GPC5: variants seen among roughly 807,000 people sequenced by gnomAD.
GPC5 encodes glypican 5.
Under a neutral mutation model 53.9 loss-of-function variants are expected in GPC5, and 47 were observed. The ratio of observed to expected loss-of-function variants is 0.87; its 90% CI spans 0.69 to 1.11. GPC5 has a LOEUF of 1.11. GPC5 is among the 50% of genes most tolerant of loss of function. The probability of loss-of-function intolerance (pLI) is 0.00; values close to 1 mark genes in which losing one functional copy is unlikely to be tolerated. For synonymous variants in GPC5, 286 were observed against 263.3 expected (o/e 1.09, Z -0.84); for missense variants, 748 against 713.1 (o/e 1.05, Z -0.56).
At chr13:91,553,093 T>A (rs2030742159) in intron 2 of GPC5, among the ~76,000 whole-genome samples, 1 of 152,106 alleles carries the variant, frequency 6.6e-6, no homozygotes, top group African/African-American at 2.4e-5. Context: ...ACCTGCTGTG[T>A]GTGTCTTGAA....
chr13:91,485,268 A>G (rs930231150), intron 2 of GPC5, among the ~76,000 whole-genome samples: 10 of 148,942 alleles, frequency 6.7e-5, no homozygotes, highest in African/African-American at 2.5e-4. Context: ...TCTGGAGTGC[A>G]ATGGTGCGAT....
chr13:92,768,959 C>T (rs202174620), intron 7 of GPC5, among the ~76,000 whole-genome samples: 4 of 152,066 alleles, frequency 2.6e-5, no homozygotes, highest in East Asian at 1.9e-4. Flanking sequence ...ATAGATCACC[C>T]GTGCTGACTT....
At chr13:91,953,872 A>C (rs2040049302) in intron 6 of GPC5, among the ~76,000 whole-genome samples, 1 of 152,152 alleles carries the variant, frequency 6.6e-6, no homozygotes, top group Admixed American at 6.5e-5. Flanking sequence ...CCCAAATACC[A>C]CACCTCTTAA....
At chr13:92,677,105 A>T (rs1886967750) in intron 7 of GPC5, among the ~76,000 whole-genome samples, 1 of 152,184 alleles carries the variant, frequency 6.6e-6, no homozygotes, top group African/African-American at 2.4e-5. Context: ...AAGTAATTGA[A>T]GTACGAAAAC....
chr13:92,080,764 G>A (rs766503864), intron 6 of GPC5, among the ~76,000 whole-genome samples: 5 of 152,034 alleles, frequency 3.3e-5, no homozygotes, highest in Admixed American at 6.5e-5. Context: ...TTTTAATATG[G>A]CCTGTGATAT....
chr13:91,901,616 T>C lies in GPC5; in HGVS notation c.1281-6321T>C, dbSNP rs142443557. The stretch of plus-strand genomic sequence containing the variant: ...TTACAAAAACCAAATCTCTAGTCCT[T>C]GCTTTCACATTTGCTGTCAGAACCA... On this transcript the variant is annotated intron_variant, in intron 5 of 7. Coordinates refer to ENST00000377067, the MANE Select transcript of GPC5 (RefSeq NM_004466.6). 2.5e-4 allele frequency among the ~76,000 whole-genome samples: 38 copies of C among 152,196 alleles called. No homozygotes were observed. In the East Asian group the frequency reaches 7.3e-3, roughly 29 times the overall value.
At chr13:92,008,444 AT>A (rs780418353) in intron 6 of GPC5, among the ~76,000 whole-genome samples, 65 of 148,760 alleles carry the variant, frequency 4.4e-4, no homozygotes, top group Non-Finnish European at 7.9e-4. Flanking sequence ...ATCTGGTGTC[AT>A]TTTTCTTCCC....
intron 7 of GPC5, among the ~76,000 whole-genome samples, chr13:92,415,703 G>C (rs776724583): frequency 2.0e-5 from 3 of 151,688 alleles, no homozygotes; most frequent in Non-Finnish European, 4.4e-5. Context: ...AGTAATAGCA[G>C]CGGAATGATA....
intron 2 of GPC5, among the ~76,000 whole-genome samples, chr13:91,480,532 T>A (rs115891531): frequency 0.012 from 1,817 of 152,338 alleles, 46 homozygotes; most frequent in African/African-American, 0.042. Flanking sequence ...AAGGCTCTTT[T>A]GTAAAACTTT....
chr13:91,674,069 C>G (rs555312995), intron 2 of GPC5, among the ~76,000 whole-genome samples: 1 of 152,158 alleles, frequency 6.6e-6, no homozygotes, highest in Non-Finnish European at 1.5e-5. Context: ...GCACCTTTAT[C>G]TTTGTAACTG....
At chr13:92,725,594 A>AT (rs373865665) in intron 7 of GPC5, among the ~76,000 whole-genome samples, 3 of 151,576 alleles carry the variant, frequency 2.0e-5, no homozygotes, top group Non-Finnish European at 3.0e-5. Flanking sequence ...TATTTTTAAC[A>AT]TTTTTTTAAC....
At chr13:91,957,457 A>C (rs2040084097) in intron 6 of GPC5, among the ~76,000 whole-genome samples, 2 of 152,182 alleles carry the variant, frequency 1.3e-5, no homozygotes, top group East Asian at 3.9e-4. Flanking sequence ...TTAGATATCC[A>C]GATACAGGAA....
intron 6 of GPC5, among the ~76,000 whole-genome samples, chr13:92,039,711 C>T (rs540875268): frequency 2.0e-5 from 3 of 152,146 alleles, no homozygotes; most frequent in Non-Finnish European, 2.9e-5. Flanking sequence ...CGCTCCTTGG[C>T]TCACAATGAA....
At chr13:92,212,103 A>G (rs907370082) in intron 7 of GPC5, among the ~76,000 whole-genome samples, 1 of 151,458 alleles carries the variant, frequency 6.6e-6, no homozygotes, top group African/African-American at 2.4e-5. Context: ...AAAGACAATG[A>G]CATGTTTGGA....
chr13:92,376,796 C>T (rs1300748450), intron 7 of GPC5, among the ~76,000 whole-genome samples: 2 of 151,976 alleles, frequency 1.3e-5, no homozygotes, highest in Admixed American at 1.3e-4. Flanking sequence ...GCGGGCGGAT[C>T]ACCAGGTCAG....
intron 2 of GPC5, among the ~76,000 whole-genome samples, chr13:91,592,448 G>A (rs893013449): frequency 6.6e-6 from 1 of 152,184 alleles, no homozygotes; most frequent in Admixed American, 6.5e-5. Context: ...TCTGGGCTGG[G>A]GTGCTCTTTG....
intron 6 of GPC5, among the ~76,000 whole-genome samples, chr13:92,103,440 C>T (rs766816804): frequency 6.6e-6 from 1 of 152,080 alleles, no homozygotes; most frequent in African/African-American, 2.4e-5. Flanking sequence ...TATCTCACTT[C>T]TTTTAAACAA....
chr13:92,699,405 G>C (rs976738379), intron 7 of GPC5, among the ~76,000 whole-genome samples: 1 of 147,740 alleles, frequency 6.8e-6, no homozygotes. Flanking sequence ...GTTTTTGAAG[G>C]GTTTTTTGTG....
chr13:92,210,941 T>G (rs1296876219), intron 7 of GPC5, among the ~76,000 whole-genome samples: 1 of 152,202 alleles, frequency 6.6e-6, no homozygotes, highest in East Asian at 1.9e-4. Context: ...TATCTTGTAA[T>G]GAAGGCTTTT....
Sources: gnomAD v4.1 joint callset for allele counts (sites outside exome capture counted in the v4.1 genomes callset) on GRCh38, gnomAD v4.1.1 for gene constraint, MANE v1.5 for transcripts, NCBI Gene and HGNC (gene_info 2026-07-23, HGNC 2026-07-21) for gene names.